CCDC148: variants seen among roughly 807,000 people sequenced by gnomAD.
CCDC148 encodes coiled-coil domain-containing protein 148.
A neutral mutation model predicts 85.7 loss-of-function variants in CCDC148; 89 were observed. That is an observed-to-expected ratio of 1.04 (90% CI 0.87 to 1.24). The LOEUF (loss-of-function observed/expected upper bound fraction) is 1.24, where lower values mean the gene tolerates loss of function less well. Ranked by LOEUF, CCDC148 falls within the 50% of genes most tolerant of loss-of-function variation. The pLI is 0.00. For missense variants in CCDC148, 692 were observed against 671.7 expected (o/e 1.03, Z -0.33); for synonymous variants, 230 against 213.9 (o/e 1.08, Z -0.66).
chr2:158,221,849 C>T (rs796162376), intron 10 of CCDC148, among the ~76,000 whole-genome samples: 1 of 151,712 alleles, frequency 6.6e-6, no homozygotes, highest in South Asian at 2.1e-4. Context: ...TTAGAGAGAA[C>T]AGAGATAAAG....
chr2:158,285,682 C>G (rs1198299899), intron 9 of CCDC148, among the ~76,000 whole-genome samples: 1 of 151,748 alleles, frequency 6.6e-6, no homozygotes, highest in African/African-American at 2.4e-5. Context: ...AGGCGCCCAC[C>G]ACCACGCCCG....
At chr2:158,284,268 A>C (rs917200097) in intron 9 of CCDC148, among the ~76,000 whole-genome samples, 3 of 151,416 alleles carry the variant, frequency 2.0e-5, no homozygotes, top group African/African-American at 7.3e-5. Context: ...TAAAACTTAA[A>C]GTATAATAAT....
chr2:158,332,829 T>C (rs144393110), intron 7 of CCDC148, among the ~76,000 whole-genome samples: 26,895 of 152,036 alleles, frequency 0.18, 3,077 homozygotes, highest in Middle Eastern at 0.26. Flanking sequence ...TAGAGGTGTT[T>C]ATAGTATTCT....
intron 10 of CCDC148, among the ~76,000 whole-genome samples, chr2:158,224,873 G>A (rs1027458704): frequency 6.6e-6 from 1 of 151,988 alleles, no homozygotes; most frequent in African/African-American, 2.4e-5. Context: ...AGACCATCGA[G>A]GCTAGGAAGA....
chr2:158,451,286 G>C (rs1688396018), intron 1 of CCDC148, among the ~76,000 whole-genome samples: 1 of 152,086 alleles, frequency 6.6e-6, no homozygotes, highest in Non-Finnish European at 1.5e-5. Context: ...TCTAATGGCT[G>C]ATTATTTTCC....
chr2:158,180,720 G>C (rs1684856817), intron 11 of CCDC148, among the ~76,000 whole-genome samples: 1 of 152,060 alleles, frequency 6.6e-6, no homozygotes, highest in Non-Finnish European at 1.5e-5. Flanking sequence ...AGGAAGACAT[G>C]CTCCTGGGGA....
intron 9 of CCDC148, among the ~76,000 whole-genome samples, chr2:158,282,047 T>C (rs1468088258): frequency 6.6e-6 from 1 of 151,922 alleles, no homozygotes; most frequent in Non-Finnish European, 1.5e-5. Flanking sequence ...TCTCAATAGA[T>C]GCAGAAAAGG....
intron 11 of CCDC148, among the ~76,000 whole-genome samples, chr2:158,211,188 A>C (rs909035833): frequency 1.5e-5 from 2 of 133,148 alleles, no homozygotes; most frequent in Admixed American, 7.0e-5. Flanking sequence ...GTATAATAAT[A>C]AAAAAAAAGA....
rs2105214370 is a variant in CCDC148 at position 158,313,755 on chromosome 2, C to T, written c.903+1G>A. ...AGTATGTAGGTAGGTCCAGTACTCA[C>T]CAAATCATGCCTAGATTTGTGAGGA... On this transcript the variant is annotated splice_donor_variant, in intron 8 of 13. Transcript: ENST00000283233. LOFTEE classifies it high-confidence loss of function. 6.2e-7 allele frequency: 1 copy of T among 1,613,224 alleles called. No individual in the cohort carries two copies. Among genetic ancestry groups the T allele is most frequent in the South Asian group, 1.1e-5 (1 of 90,914 alleles).
intron 1 of CCDC148, among the ~76,000 whole-genome samples, chr2:158,433,089 A>ATATATATATATATATAT (rs57003336): frequency 3.1e-4 from 20 of 65,058 alleles, no homozygotes; most frequent in South Asian, 2.9e-3. Flanking sequence ...AAAAAAAAAA[A>ATATATATATATATATAT]AAATATATAT....
chr2:158,273,619 C>T (rs144835050), intron 9 of CCDC148, among the ~76,000 whole-genome samples: 2 of 152,248 alleles, frequency 1.3e-5, no homozygotes, highest in African/African-American at 4.8e-5. Context: ...ACAAAGATGC[C>T]ACACCCTAGA....
chr2:158,201,347 C>T (rs533741545), intron 11 of CCDC148, among the ~76,000 whole-genome samples: 72 of 152,134 alleles, frequency 4.7e-4, no homozygotes, highest in African/African-American at 1.7e-3. Flanking sequence ...GGATTTCGTT[C>T]CAGTACTTTT....
Position 158,178,992 on chromosome 2 carries a change from T to C in CCDC148, c.1375A>G (p.Lys459Glu), listed in dbSNP as rs1558959985. 3 of 1,609,186 alleles carry C rather than the reference T, an allele frequency of 1.9e-6. No individual in the cohort carries two copies. The highest frequency in any genetic ancestry group is 2.6e-6 in the Non-Finnish European group (3 of 1,176,458). The stretch of plus-strand genomic sequence containing the variant: ...CTTTCCAATAATTCTTGTCTATATT[T>C]AACCCTTTAAAAATAACACAGAAGG... ...EQSLKDRERV[K>E]YRQELLERRL... The change falls in exon 12 of 14, where the codon AAA becomes GAA. Residue 459 changes from lysine to glutamate, a missense_variant. Transcript: ENST00000283233.
intron 11 of CCDC148, among the ~76,000 whole-genome samples, chr2:158,179,956 C>T (rs1684808877): frequency 1.3e-5 from 2 of 152,298 alleles, no homozygotes; most frequent in South Asian, 4.1e-4. Context: ...GCCCTGAGCT[C>T]CTTGGCCCTC....
chr2:158,331,346 G>A (rs896566517), intron 7 of CCDC148, among the ~76,000 whole-genome samples: 1 of 152,140 alleles, frequency 6.6e-6, no homozygotes, highest in Non-Finnish European at 1.5e-5. Flanking sequence ...CTGAGTTCTA[G>A]TTTGATTGCA....
At chr2:158,283,029 A>C (rs2105178059) in intron 9 of CCDC148, among the ~76,000 whole-genome samples, 1 of 152,306 alleles carries the variant, frequency 6.6e-6, no homozygotes, top group South Asian at 2.1e-4. Flanking sequence ...GCAATGGGGA[A>C]AGGATTCCCT....
rs191873179 is a variant in CCDC148 at position 158,364,648 on chromosome 2, T to C, written c.26-6078A>G. 3.1e-4 allele frequency among the ~76,000 whole-genome samples: 47 copies of C among 152,290 alleles called. No homozygotes were observed. In the East Asian group the frequency reaches 4.4e-3, roughly 14 times the overall value. On this transcript the variant is annotated intron_variant, in intron 1 of 13. Transcript: ENST00000283233. ...AACTGGATCCCTTCCTTACACCTTA[T>C]AGAAAAATTAATTCAAGATGGATTA...
chr2:158,217,688 G>T (rs999227826), intron 11 of CCDC148, among the ~76,000 whole-genome samples: 1 of 151,660 alleles, frequency 6.6e-6, no homozygotes, highest in Non-Finnish European at 1.5e-5. Context: ...ATAGGCATGA[G>T]CCACCGCACC....
chr2:158,356,514 A>G (rs898075823), intron 2 of CCDC148, among the ~76,000 whole-genome samples: 4 of 152,172 alleles, frequency 2.6e-5, no homozygotes, highest in Admixed American at 6.5e-5. Flanking sequence ...AGAAATGCAA[A>G]TCAAAACTAC....
Sources: allele counts gnomAD v4.1 joint callset (sites outside exome capture counted in the v4.1 genomes callset), GRCh38; gene constraint gnomAD v4.1.1; transcripts MANE v1.5; gene names NCBI Gene and HGNC (gene_info 2026-07-23, HGNC 2026-07-21).